The following RFTN1 variants were observed in gnomAD, a reference collection of about 807,000 sequenced individuals.
The protein encoded by RFTN1 is raftlin, lipid raft linker 1.
In RFTN1, 26 loss-of-function variants were observed where a neutral mutation model predicts 46.5. The ratio of observed to expected loss-of-function variants is 0.56; its 90% CI spans 0.41 to 0.78. The LOEUF is 0.78. Ranked by LOEUF, RFTN1 falls within the 30% of genes least tolerant of loss-of-function variation. RFTN1 has a pLI of 0.00. For synonymous variants in RFTN1, 261 were observed against 284.2 expected, an observed-to-expected ratio of 0.92 and a Z score of 0.82; for missense variants, 693 against 718.7, an observed-to-expected ratio of 0.96 and a Z score of 0.41.
intron 2 of RFTN1, among the ~76,000 whole-genome samples, chr3:16,462,740 C>T (rs2124930880): frequency 6.6e-6 from 1 of 152,372 alleles, no homozygotes. Context: ...TAAACCACCA[C>T]ATGTGTGGTA....
intron 4 of RFTN1, among the ~76,000 whole-genome samples, chr3:16,388,504 T>G (rs999969073): frequency 5.3e-5 from 8 of 152,212 alleles, no homozygotes; most frequent in African/African-American, 1.9e-4. Context: ...TTCAGAAAAC[T>G]TGCACATCAT....
rs1354284645 is a variant in RFTN1, at chr3:16,459,499, T to G, written c.146-25462A>C. Among the ~76,000 whole-genome samples the G allele has an allele frequency of 6.6e-6, 1 of 152,120 alleles. No individual in the cohort carries two copies. Among genetic ancestry groups the G allele is most frequent in the Non-Finnish European group, 1.5e-5 (1 of 68,014 alleles). Reference sequence around the variant, plus strand: ...TATCCCAGCTACTTGGAGACTAAGGTGGGGCACTGCTTAAGCTCAGGAGTT... The same window carrying G: ...TATCCCAGCTACTTGGAGACTAAGGGGGGGCACTGCTTAAGCTCAGGAGTT... On this transcript the variant is annotated intron_variant, in intron 2 of 9. Coordinates refer to ENST00000334133, the MANE Select transcript of RFTN1 (RefSeq NM_015150.2). The surrounding 1 kb of genome is among the most constrained non-coding windows in gnomAD (Gnocchi z 4.2).
At chr3:16,477,892 T>C (rs542131291) in intron 2 of RFTN1, among the ~76,000 whole-genome samples, 24 of 152,358 alleles carry the variant, frequency 1.6e-4, no homozygotes, top group African/African-American at 5.1e-4. Flanking sequence ...TAATTTAATC[T>C]GAGAAGTGAT....
Position 16,457,226 on chromosome 3 carries a change from A to G in RFTN1, c.146-23189T>C, listed in dbSNP as rs562107699. On this transcript the variant is annotated intron_variant, in intron 2 of 9. Transcript: ENST00000334133. This position sits in a 1 kb window ranked among gnomAD's most constrained non-coding sequence, Gnocchi z 4.2. Reference sequence around the variant, plus strand: ...TGGGTAAATCCATTCCCTTCAGTAAACATTGCAGGGAGGCAAGTCTTCTTA... The same window carrying G: ...TGGGTAAATCCATTCCCTTCAGTAAGCATTGCAGGGAGGCAAGTCTTCTTA... Among the ~76,000 whole-genome samples, 3 of 152,318 alleles carry G rather than the reference A, an allele frequency of 2.0e-5. No homozygotes were observed. The highest frequency in any genetic ancestry group is 4.1e-4 in the South Asian group (2 of 4,828).
At chr3:16,373,147 C>G (rs866309562) in intron 5 of RFTN1, among the ~76,000 whole-genome samples, 1 of 152,202 alleles carries the variant, frequency 6.6e-6, no homozygotes, top group Non-Finnish European at 1.5e-5. Context: ...TCTGCCATGA[C>G]CCCAGCTGGA....
intron 1 of RFTN1, among the ~76,000 whole-genome samples, chr3:16,511,520 T>G (rs759109876): frequency 2.0e-5 from 3 of 152,078 alleles, no homozygotes; most frequent in Non-Finnish European, 4.4e-5. Context: ...TCACTGTTCT[T>G]GCAACTTTTC....
chr3:16,451,755 T>G lies in RFTN1; in HGVS notation c.146-17718A>C, dbSNP rs945002547. On this transcript the variant is annotated intron_variant, in intron 2 of 9. Transcript: ENST00000334133. The surrounding 1 kb of genome is among the most constrained non-coding windows in gnomAD (Gnocchi z 4.2). ...TGATTTTTTTTTCCTTCCTCACAAT[T>G]TCATAGATGGAAGATTCATTCTTAC... is the stretch of plus-strand genomic sequence containing the variant. Among the ~76,000 whole-genome samples, 1 of 152,170 alleles carries G rather than the reference T, an allele frequency of 6.6e-6. No individual in the cohort carries two copies. The highest frequency in any genetic ancestry group is 2.4e-5 in the African/African-American group (1 of 41,442).
intron 5 of RFTN1, among the ~76,000 whole-genome samples, 158 bp downstream of exon 5, chr3:16,377,556 AGGTG>A (rs796235450): frequency 4.9e-4 from 75 of 152,352 alleles, no homozygotes; most frequent in African/African-American, 1.8e-3. Flanking sequence ...GTAAACAGTC[AGGTG>A]GCACAGATAA....
At position 16,320,134 on chromosome 3, in the gene RFTN1, G is replaced by A. The variant is rs1388196754; in HGVS notation, c.1333-2902C>T. Among the ~76,000 whole-genome samples the A allele has an allele frequency of 1.3e-5, 2 of 152,168 alleles. No individual in the cohort carries two copies. The highest frequency in any genetic ancestry group is 4.8e-5 in the African/African-American group (2 of 41,426). ...CAGCAGGAGCCAATGGATTTAATTT[G>A]CACATTTTAAAAACTGCCCATGATG... On this transcript the variant is annotated intron_variant, in intron 9 of 9. Coordinates refer to ENST00000334133, the MANE Select transcript of RFTN1 (RefSeq NM_015150.2). The surrounding 1 kb of genome is among the most constrained non-coding windows in gnomAD (Gnocchi z 4.5).
intron 1 of RFTN1, among the ~76,000 whole-genome samples, chr3:16,496,434 C>T (rs865932804): frequency 1.3e-5 from 2 of 152,290 alleles, no homozygotes; most frequent in African/African-American, 4.8e-5. Context: ...AATGCCCCAA[C>T]AAACACCCAT....
intron 4 of RFTN1, among the ~76,000 whole-genome samples, chr3:16,406,800 AAGTC>A (rs1254217406): frequency 3.3e-5 from 5 of 152,206 alleles, no homozygotes; most frequent in African/African-American, 9.7e-5. Flanking sequence ...GTTTCACTAA[AAGTC>A]AGTTTCTAAG....
Position 16,418,502 on chromosome 3 carries a change from A to G in RFTN1, c.333-9019T>C, listed in dbSNP as rs2075125484. Among the ~76,000 whole-genome samples the G allele has an allele frequency of 6.6e-6, 1 of 151,838 alleles. No individual in the cohort carries two copies. The highest frequency in any genetic ancestry group is 6.6e-5 in the Admixed American group (1 of 15,246). ...TTTTTGCTTCATTTAGAAATAATCA[A>G]AAAAAAATGGTGACAAACACAAACA... is the stretch of plus-strand genomic sequence containing the variant. On this transcript the variant is annotated intron_variant, in intron 3 of 9. Transcript: ENST00000334133. The surrounding 1 kb of genome is among the most constrained non-coding windows in gnomAD (Gnocchi z 5.0).
intron 2 of RFTN1, among the ~76,000 whole-genome samples, chr3:16,471,201 T>C (rs113983391): frequency 3.3e-4 from 50 of 152,318 alleles, no homozygotes; most frequent in African/African-American, 1.2e-3. Flanking sequence ...TGTGTGACTA[T>C]AAATCAAGGC....
rs776737748 is a variant in RFTN1, at chr3:16,433,856, G to T, written c.327C>A (p.Thr109=). 2.5e-6 allele frequency: 4 copies of T among 1,614,008 alleles called. No individual in the cohort carries two copies. In the African/African-American group the frequency reaches 5.3e-5, roughly 22 times the overall value. ...TTCACCCGTGGAGGCCTTACCTGTCGGTTTTCTTGATCAGGATGGCTCTAA... is the reference window on the plus strand; with the variant it reads ...TTCACCCGTGGAGGCCTTACCTGTCTGTTTTCTTGATCAGGATGGCTCTAA... The part of the protein sequence containing the change: ...HIFRAILIKK[T]DRSQKTDLHN... Residue 109 remains threonine, a synonymous_variant, in exon 3 of 10, where the codon ACC becomes ACA. Transcript: ENST00000334133. The surrounding 1 kb of genome is among the most constrained non-coding windows in gnomAD (Gnocchi z 4.4).
intron 4 of RFTN1, among the ~76,000 whole-genome samples, chr3:16,403,511 T>C (rs1291702824): frequency 7.7e-6 from 1 of 129,578 alleles, no homozygotes; most frequent in Non-Finnish European, 1.6e-5. Context: ...AAATAAACCA[T>C]AGATACACAA....
At chr3:16,444,185 T>TAAGCCATTTTCCTA (rs2075684894) in intron 2 of RFTN1, among the ~76,000 whole-genome samples, 1 of 152,242 alleles carries the variant, frequency 6.6e-6, no homozygotes, top group Non-Finnish European at 1.5e-5. Flanking sequence ...ATGAATGTTT[T>TAAGCCATTTTCCTA]AAGCCATTTT....
chr3:16,323,629 C>T (rs751579019), intron 8 of RFTN1, among the ~76,000 whole-genome samples, 172 bp from the exon 9 acceptor site: 4 of 152,164 alleles, frequency 2.6e-5, no homozygotes, highest in Non-Finnish European at 4.4e-5. Context: ...ACCTTGCTTC[C>T]GAGGGGCTAT....
At chr3:16,388,481 T>C (rs1245324741) in intron 4 of RFTN1, among the ~76,000 whole-genome samples, 1 of 152,226 alleles carries the variant, frequency 6.6e-6, no homozygotes, top group Non-Finnish European at 1.5e-5. Context: ...TTTAAAAATA[T>C]ATTCATTTGA....
At position 16,381,128 on chromosome 3, in the gene RFTN1, TAA is replaced by T. The variant is rs1013668523; in HGVS notation, c.442-3028_442-3027del. ...AACAATTAATGCTTGAAATGACATA[TAA>T]AAAGTCAAGATTCTAAACTTCATAC... On this transcript the variant is annotated intron_variant, in intron 4 of 9. Transcript: ENST00000334133. The surrounding 1 kb of genome is among the most constrained non-coding windows in gnomAD (Gnocchi z 4.2). Among the ~76,000 whole-genome samples the T allele has an allele frequency of 2.0e-5, 3 of 152,156 alleles. No individual in the cohort carries two copies. The highest frequency in any genetic ancestry group is 2.0e-4 in the Admixed American group (3 of 15,276).
Sources: gnomAD v4.1 joint callset for allele counts (sites outside exome capture counted in the v4.1 genomes callset) on GRCh38, gnomAD v4.1.1 for gene constraint, Gnocchi (gnomAD v3.1) non-coding constraint, MANE v1.5 for transcripts, NCBI Gene and HGNC (gene_info 2026-07-23, HGNC 2026-07-21) for gene names.